Variants in TAFA2 observed in about 807,000 individuals in gnomAD.
The protein encoded by TAFA2 is TAFA chemokine like family member 2, also known as chemokine-like protein TAFA-2.
Under a neutral mutation model 18.8 loss-of-function variants are expected in TAFA2, and 7 were observed. That is an observed-to-expected ratio of 0.37 (90% confidence interval 0.21 to 0.70). The LOEUF (loss-of-function observed/expected upper bound fraction) is 0.70. Among genes scored for constraint, TAFA2 ranks in the 30% least tolerant of loss-of-function variants. The probability of loss-of-function intolerance (pLI) is 0.53; values close to 1 mark genes in which losing one functional copy is unlikely to be tolerated. For synonymous variants in TAFA2, 60 were observed against 54.2 expected (o/e 1.11, Z -0.47); for missense variants, 122 against 158.1 (o/e 0.77, Z 1.23).
At chr12:61,809,508 G>T (rs958949778) in intron 2 of TAFA2, among the ~76,000 whole-genome samples, 1 of 151,020 alleles carries the variant, frequency 6.6e-6, no homozygotes, top group African/African-American at 2.5e-5. Flanking sequence ...AAGTCTTAGG[G>T]CATTTGTCAT....
At chr12:62,139,880 C>T (rs1034285211) in intron 1 of TAFA2, 2 of 152,178 alleles carry the variant, frequency 1.3e-5, no homozygotes, top group African/African-American at 4.8e-5. Flanking sequence ...ACAAAAATCA[C>T]GTCTCCTAAC....
In TAFA2 at chr12:61,850,694, T is replaced by C. The variant is rs1191737746; in HGVS notation, c.106+16626A>G. Reference sequence around the variant, plus strand: ...TTTTTAAAATTCTTGAATCATCTAGTATAAACAAACATGAGAGAGGAATTA... The same window carrying C: ...TTTTTAAAATTCTTGAATCATCTAGCATAAACAAACATGAGAGAGGAATTA... On this transcript the variant is annotated intron_variant, in intron 2 of 4. Transcript: ENST00000416284. Among the ~76,000 whole-genome samples, 3 of 152,006 alleles carry C rather than the reference T, an allele frequency of 2.0e-5. No individual in the cohort carries two copies. The East Asian group carries it at 5.8e-4, about 29-fold the overall frequency.
chr12:61,979,599 A>G (rs1172733639), intron 1 of TAFA2, among the ~76,000 whole-genome samples: 2 of 152,110 alleles, frequency 1.3e-5, no homozygotes, highest in Non-Finnish European at 2.9e-5. Context: ...CTGCCCAGAA[A>G]ATGTCCTAAA....
At chr12:62,056,989 A>C (rs1882204222) in intron 1 of TAFA2, among the ~76,000 whole-genome samples, 1 of 152,192 alleles carries the variant, frequency 6.6e-6, no homozygotes, top group South Asian at 2.1e-4. Flanking sequence ...TCCTTTTCTA[A>C]GTTTGGTGTC....
intron 1 of TAFA2, among the ~76,000 whole-genome samples, chr12:62,181,024 G>T (rs2062548175): frequency 6.6e-6 from 1 of 152,118 alleles, no homozygotes; most frequent in Admixed American, 6.5e-5. Context: ...AAGTCTCCAG[G>T]TTACAATAAA....
chr12:61,939,400 T>C (rs1877903712), intron 1 of TAFA2, among the ~76,000 whole-genome samples: 1 of 152,242 alleles, frequency 6.6e-6, no homozygotes, highest in South Asian at 2.1e-4. Context: ...CTCTGGTATT[T>C]GAATACAATG....
chr12:62,104,303 T>A (rs564994414), intron 1 of TAFA2, among the ~76,000 whole-genome samples: 1 of 151,110 alleles, frequency 6.6e-6, no homozygotes, highest in South Asian at 2.1e-4. Context: ...AATGTAATGG[T>A]CTTTTTCTTT....
chr12:61,879,540 G>A (rs1875022612), intron 1 of TAFA2: 1 of 724,712 alleles, frequency 1.4e-6, no homozygotes. Context: ...GCCTGCTGAG[G>A]CCCCTTAACC....
intron 2 of TAFA2, among the ~76,000 whole-genome samples, chr12:61,845,202 T>A (rs1873352557): frequency 2.6e-5 from 4 of 152,200 alleles, no homozygotes; most frequent in African/African-American, 9.7e-5. Flanking sequence ...AGCCTAATCA[T>A]GCCCGTAGCA....
At chr12:62,188,480 G>A (rs1390025428) in intron 1 of TAFA2, among the ~76,000 whole-genome samples, 1 of 152,166 alleles carries the variant, frequency 6.6e-6, no homozygotes. Flanking sequence ...GAGTTCGTCA[G>A]TAAATGTTCA....
chr12:61,910,925 C>A (rs1869892), intron 1 of TAFA2, among the ~76,000 whole-genome samples: 39,543 of 152,076 alleles, frequency 0.26, 5,992 homozygotes, highest in East Asian at 0.36. Flanking sequence ...AGGAGGCATT[C>A]ATTTCAAAGA....
intron 1 of TAFA2, among the ~76,000 whole-genome samples, chr12:62,088,896 CTCTCTCTCTA>C (rs1485844881): frequency 6.6e-6 from 1 of 151,180 alleles, no homozygotes; most frequent in Non-Finnish European, 1.5e-5. Flanking sequence ...CTCTCTCTCT[CTCTCTCTCTA>C]TCTCTGTGTG....
At chr12:61,781,906 T>C (rs535511735) in intron 2 of TAFA2, among the ~76,000 whole-genome samples, 1 of 151,784 alleles carries the variant, frequency 6.6e-6, no homozygotes, top group African/African-American at 2.4e-5. Flanking sequence ...AAAGTAAAAA[T>C]TGAAATGTAT....
chr12:62,138,390 C>T (rs2062215035), intron 1 of TAFA2, among the ~76,000 whole-genome samples: 9 of 152,062 alleles, frequency 5.9e-5, no homozygotes, highest in Admixed American at 5.9e-4. Context: ...TTTGATATAC[C>T]TTTAATAGCA....
chr12:62,187,379 C>T (rs980705248), intron 1 of TAFA2, among the ~76,000 whole-genome samples: 1 of 152,122 alleles, frequency 6.6e-6, no homozygotes, highest in Non-Finnish European at 1.5e-5. Context: ...CAAGTCAAAT[C>T]ATGGAAAATA....
At chr12:61,846,521 T>C (rs767305622) in intron 2 of TAFA2, among the ~76,000 whole-genome samples, 6 of 152,194 alleles carry the variant, frequency 3.9e-5, no homozygotes, top group Non-Finnish European at 7.3e-5. Flanking sequence ...GTTTATCATT[T>C]ATTTAGGAAA....
chr12:62,174,161 G>T (rs1310515152), intron 1 of TAFA2, among the ~76,000 whole-genome samples: 2 of 152,012 alleles, frequency 1.3e-5, no homozygotes, highest in Non-Finnish European at 2.9e-5. Context: ...GTGTGGTGGC[G>T]CACGCCTGTA....
chr12:62,177,145 T>C (rs79350634), intron 1 of TAFA2, among the ~76,000 whole-genome samples: 6,840 of 152,348 alleles, frequency 0.045, 222 homozygotes, highest in Non-Finnish European at 0.068. Flanking sequence ...GGGGGAAACC[T>C]TCATCCCTTC....
At chr12:61,841,740 A>C (rs1028159828) in intron 2 of TAFA2, among the ~76,000 whole-genome samples, 6 of 152,040 alleles carry the variant, frequency 3.9e-5, no homozygotes, top group African/African-American at 1.4e-4. Flanking sequence ...AGAAAAGGGA[A>C]TTTTTAATGT....
Sources: allele counts gnomAD v4.1 joint callset (sites outside exome capture counted in the v4.1 genomes callset), GRCh38; gene constraint gnomAD v4.1.1; transcripts MANE v1.5; gene names NCBI Gene and HGNC (gene_info 2026-07-23, HGNC 2026-07-21).